ARHGEF9: variants seen among roughly 807,000 people sequenced by gnomAD.
ARHGEF9 encodes Cdc42 guanine nucleotide exchange factor 9.
A neutral mutation model predicts 41.3 loss-of-function variants in ARHGEF9; 2 were observed. The observed-to-expected ratio is 0.05, with a 90% CI of 0.02 to 0.15. The LOEUF is 0.15. Among genes scored for constraint, ARHGEF9 ranks in the 10% least tolerant of loss-of-function variants. The pLI, the probability that ARHGEF9 is intolerant of heterozygous loss-of-function variation, is 1.00. For synonymous variants in ARHGEF9, 160 were observed against 154.4 expected (o/e 1.04, Z -0.27); for missense variants, 225 against 424.7 (o/e 0.53, Z 4.13).
intron 8 of ARHGEF9, among the ~76,000 whole-genome samples, chrX:63,650,869 C>A (rs1326532114): frequency 2.7e-5 from 3 of 109,582 alleles, no homozygotes; most frequent in Non-Finnish European, 5.7e-5. Context: ...ATTATGAACC[C>A]AAAAGAAGAG....
chrX:63,744,975 C>T (rs1382210188), intron 1 of ARHGEF9, among the ~76,000 whole-genome samples: 1 of 111,504 alleles, frequency 9.0e-6, no homozygotes, highest in Admixed American at 9.5e-5. Context: ...CTGCCTCTAT[C>T]CCAATGCCAA....
rs1556359199 is a variant in ARHGEF9 at position 63,674,154 on chromosome X, C to T, written c.829G>A (p.Val277Met). The T allele has an allele frequency of 8.3e-7, 1 of 1,210,850 alleles. No individual in the cohort carries two copies. The highest frequency in any genetic ancestry group is 1.8e-5 in the South Asian group (1 of 56,924). The change falls in exon 6 of 10, where the codon GTG becomes ATG. Residue 277 changes from valine to methionine, a missense_variant. Transcript: ENST00000671741. ...TAQDHSDYRY[V>M]AAALAVMRNV... ...CTCATGACAGCCAAAGCAGCTGCCA[C>T]ATACCTGTAGTCACTGTGAAAACAA...
chrX:63,742,775 T>G (rs1457387042), intron 1 of ARHGEF9, among the ~76,000 whole-genome samples: 4 of 111,957 alleles, frequency 3.6e-5, no homozygotes, highest in Non-Finnish European at 7.5e-5. Context: ...GCCACTTTTC[T>G]TCATTTTGAA....
chrX:63,646,694 G>T (rs1348924452), intron 8 of ARHGEF9, among the ~76,000 whole-genome samples: 1 of 112,001 alleles, frequency 8.9e-6, no homozygotes, highest in African/African-American at 3.2e-5. Context: ...TTTGGCTTAG[G>T]ATTGACTTGG....
chrX:63,750,933 C>T (rs2055593425), intron 1 of ARHGEF9, among the ~76,000 whole-genome samples: 1 of 111,568 alleles, frequency 9.0e-6, no homozygotes, highest in South Asian at 3.8e-4. Flanking sequence ...CTCTCCAAGT[C>T]CCACTAGGCT....
Position 63,772,906 on chromosome X carries a change from C to T in ARHGEF9, c.30+12210G>A, listed in dbSNP as rs143043143. ...TTCCTGCTGCCTCCCCTCAACTTCC[C>T]GTAAGCCTCACTGTCTCTTCCTTTT... On this transcript the variant is annotated intron_variant, in intron 1 of 9. Coordinates refer to ENST00000671741, the MANE Select transcript of ARHGEF9 (RefSeq NM_001353921.2). Among the ~76,000 whole-genome samples, 26 of 111,466 alleles carry T rather than the reference C, an allele frequency of 2.3e-4. No homozygotes were observed. In the East Asian group the frequency reaches 7.1e-3, roughly 30 times the overall value.
chrX:63,776,249 C>G (rs1294182498), intron 1 of ARHGEF9, among the ~76,000 whole-genome samples: 1 of 111,300 alleles, frequency 9.0e-6, no homozygotes, highest in Non-Finnish European at 1.9e-5. Flanking sequence ...CCATGGTAAC[C>G]CTAGGGTTCA....
intron 6 of ARHGEF9, among the ~76,000 whole-genome samples, chrX:63,670,520 C>T (rs186996662): frequency 3.7e-5 from 4 of 109,495 alleles, no homozygotes; most frequent in South Asian, 8.1e-4. Context: ...TGTTAGGTTC[C>T]TGCTACAAAT....
chrX:63,784,976 A>T (rs1556464404), intron 1 of ARHGEF9, 140 bp downstream of exon 1: 9 of 735,183 alleles, frequency 1.2e-5, no homozygotes, highest in Admixed American at 3.0e-5. Flanking sequence ...CAGCAAGCTC[A>T]CTGGTGTCTC....
intron 7 of ARHGEF9, among the ~76,000 whole-genome samples, chrX:63,659,380 C>A (rs2049075765): frequency 8.9e-6 from 1 of 112,294 alleles, no homozygotes; most frequent in Admixed American, 9.4e-5. Context: ...ATCATCACAA[C>A]TTTCCTGCCT....
At chrX:63,682,341 C>T (rs1246807269) in intron 4 of ARHGEF9, among the ~76,000 whole-genome samples, 1 of 109,058 alleles carries the variant, frequency 9.2e-6, no homozygotes, top group South Asian at 3.9e-4. Flanking sequence ...GGTGAAACCC[C>T]GTCTCTAATA....
intron 7 of ARHGEF9, among the ~76,000 whole-genome samples, chrX:63,662,181 T>A (rs1476323005): frequency 2.7e-5 from 3 of 111,940 alleles, no homozygotes; most frequent in Non-Finnish European, 3.8e-5. Context: ...TTCTCACCAT[T>A]CACAACTGAT....
chrX:63,644,743 G>A (rs1229292842), intron 8 of ARHGEF9, among the ~76,000 whole-genome samples: 6 of 105,355 alleles, frequency 5.7e-5, no homozygotes, highest in Non-Finnish European at 3.8e-5. Flanking sequence ...GGAAGGAATC[G>A]CCTTCTATTA....
intron 9 of ARHGEF9, chrX:63,639,374 T>C (rs2047481634): frequency 8.9e-6 from 1 of 112,119 alleles, no homozygotes; most frequent in South Asian, 3.7e-4. Context: ...TTTGATTTTT[T>C]TTAAAAGCAT....
At chrX:63,755,352 A>T (rs2055896215) in intron 1 of ARHGEF9, 3 of 590,796 alleles carry the variant, frequency 5.1e-6, no homozygotes, top group East Asian at 4.5e-5. Context: ...GTCACCAGCC[A>T]CCAGTTCTGG....
intron 1 of ARHGEF9, among the ~76,000 whole-genome samples, chrX:63,774,343 T>C (rs1242241064): frequency 6.3e-5 from 7 of 111,367 alleles, no homozygotes; most frequent in Non-Finnish European, 1.3e-4. Context: ...GTATTTGAGA[T>C]TGCCTATCAT....
chrX:63,666,021 G>T lies in ARHGEF9; in HGVS notation c.946-4C>A, dbSNP rs56398019. On this transcript the variant is annotated splice_region_variant and splice_polypyrimidine_tract_variant and intron_variant, in intron 6 of 9. Coordinates refer to ENST00000671741, the MANE Select transcript of ARHGEF9 (RefSeq NM_001353921.2). ...TCCTGTCTAGGATGTCCTCGCCCTG[G>T]GAAGGACATGTGATGATGAGAGGCA... 1.2e-4 allele frequency: 144 copies of T among 1,206,519 alleles called. No individual in the cohort carries two copies. The highest frequency in any genetic ancestry group is 7.2e-5 in the Non-Finnish European group (64 of 894,582).
chrX:63,781,884 G>A (rs2056387297), intron 1 of ARHGEF9, among the ~76,000 whole-genome samples: 1 of 111,790 alleles, frequency 8.9e-6, no homozygotes, highest in Non-Finnish European at 1.9e-5. Context: ...AAACAAACCA[G>A]TTGTGTTCTT....
intron 1 of ARHGEF9, among the ~76,000 whole-genome samples, chrX:63,774,093 CT>C (rs2056250528): frequency 3.0e-5 from 3 of 101,048 alleles, no homozygotes; most frequent in Non-Finnish European, 6.1e-5. Context: ...ATCTATCTAT[CT>C]ACTTATCCAC....
Sources: gnomAD v4.1 joint callset for allele counts (sites outside exome capture counted in the v4.1 genomes callset) on GRCh38, gnomAD v4.1.1 for gene constraint, MANE v1.5 for transcripts, NCBI Gene and HGNC (gene_info 2026-07-23, HGNC 2026-07-21) for gene names.